The following NRDE2 variants were observed in gnomAD, a reference collection of about 807,000 sequenced individuals.
NRDE2 encodes the protein NRDE-2, necessary for RNA interference, domain containing.
NRDE2 carries 76 observed loss-of-function variants against 124.2 expected under a neutral mutation model. That is an observed-to-expected ratio of 0.61 (90% CI 0.51 to 0.74). The LOEUF (loss-of-function observed/expected upper bound fraction) is 0.74. NRDE2 is among the 30% of genes least tolerant of loss of function. The pLI is 0.00. For missense variants in NRDE2, 1,314 were observed against 1,417.3 expected (o/e 0.93, Z 1.17); for synonymous variants, 489 against 528.1 (o/e 0.93, Z 1.01).
At chr14:90,306,298 G>A (rs955904181) in intron 4 of NRDE2, among the ~76,000 whole-genome samples, 20 of 152,252 alleles carry the variant, frequency 1.3e-4, no homozygotes, top group East Asian at 7.7e-4. Flanking sequence ...GCTTCTCTGC[G>A]GTCAACAGGT....
At chr14:90,278,738 G>A in intron 13 of NRDE2, 1 of 538,684 alleles carries the variant, frequency 1.9e-6, no homozygotes, top group Non-Finnish European at 3.3e-6. Context: ...ACTTCTGAGT[G>A]TCACCTGACC....
chr14:90,290,367 T>C lies in NRDE2; in HGVS notation c.2083A>G (p.Arg695Gly), dbSNP rs894654886. The change falls in exon 10 of 14, where the codon AGG (arginine) becomes GGG (glycine). Residue 695 changes from arginine to glycine, a missense_variant. Physicochemically the swap from Arg to Gly is moderately radical, Grantham distance 125 (BLOSUM62 -2). Coordinates refer to ENST00000354366, the MANE Select transcript of NRDE2 (RefSeq NM_017970.4). The stretch of plus-strand genomic sequence containing the variant: ...CTGGTCCAGCGAGGATAGCCCAACC[T>C]ATCCATGCGGCCAACACAGCTAGCC... Reference protein sequence around the residue: ...SGASCVGRMDRLGYPRWTRGQ... With the variant: ...SGASCVGRMDGLGYPRWTRGQ... 2 of 1,614,126 alleles carry C rather than the reference T, an allele frequency of 1.2e-6. No individual in the cohort carries two copies. Among genetic ancestry groups the C allele is most frequent in the Non-Finnish European group, 1.7e-6 (2 of 1,180,038 alleles).
At chr14:90,321,016 T>C (rs949870525) in intron 1 of NRDE2, among the ~76,000 whole-genome samples, 1 of 152,156 alleles carries the variant, frequency 6.6e-6, no homozygotes. Context: ...TGTTGCTCAC[T>C]GAGATCAAAA....
chr14:90,273,213 T>G lies in NRDE2; in HGVS notation c.*5123A>C, dbSNP rs1158629817. ...TAGGGCCCACACTGAATGAGGAGTG[T>G]GTATTAGTTTTCTGTTAATACTATA... is the stretch of plus-strand genomic sequence containing the variant. On this transcript the variant is annotated 3_prime_UTR_variant, in exon 14 of 14. Transcript: ENST00000354366. 1 of 150,800 alleles carries G rather than the reference T, an allele frequency of 6.6e-6. No individual in the cohort carries two copies. Among genetic ancestry groups the G allele is most frequent in the Non-Finnish European group, 1.5e-5 (1 of 67,296 alleles). 9.3% of individuals were successfully genotyped at this position (150,800 alleles called of 1,614,324 possible).
intron 13 of NRDE2, 47 bp from the exon 14 acceptor site, chr14:90,278,508 TCA>T: frequency 1.2e-6 from 2 of 1,609,178 alleles, no homozygotes; most frequent in Non-Finnish European, 8.5e-7. Context: ...CCACTTCCTG[TCA>T]GCCTGGAGGA....
intron 3 of NRDE2, among the ~76,000 whole-genome samples, chr14:90,312,867 T>C (rs1295563347): frequency 1.3e-5 from 2 of 152,218 alleles, no homozygotes; most frequent in Non-Finnish European, 2.9e-5. Flanking sequence ...TACTGTAACC[T>C]GAATTTCAAA....
At chr14:90,279,362 G>A (rs746066456) in intron 12 of NRDE2, 2 of 524,942 alleles carry the variant, frequency 3.8e-6, no homozygotes, top group Non-Finnish European at 6.8e-6. Context: ...GCCCCAGAGT[G>A]TCAATCCTGA....
At chr14:90,304,405 A>G in intron 4 of NRDE2, 23 bp from the exon 5 acceptor site, 5 of 1,546,580 alleles carry the variant, frequency 3.2e-6, no homozygotes, top group Non-Finnish European at 3.5e-6. Flanking sequence ...AAAGAAAAAA[A>G]GTTACTGAGG....
At position 90,275,449 on chromosome 14, in the gene NRDE2, TC is replaced by T. The variant is rs2139658664; in HGVS notation, c.*2886del. 1 of 152,312 alleles carries T rather than the reference TC, an allele frequency of 6.6e-6. No individual in the cohort carries two copies. Among genetic ancestry groups the T allele is most frequent in the South Asian group, 2.1e-4 (1 of 4,828 alleles). The allele number at this position is 152,312 out of a possible 1,614,324, so 9.4% of individuals were successfully genotyped here. On this transcript the variant is annotated 3_prime_UTR_variant, in exon 14 of 14. Transcript: ENST00000354366. ...ACCCCAGCACATCAGTATTGCCTTTTCCTCATTGGTAATAGCTGAGCGTTTT... is the reference window on the plus strand; with the variant it reads ...ACCCCAGCACATCAGTATTGCCTTTTCTCATTGGTAATAGCTGAGCGTTTT...
intron 9 of NRDE2, 86 bp from the exon 10 acceptor site, chr14:90,290,693 T>A: frequency 7.3e-7 from 1 of 1,362,762 alleles, no homozygotes; most frequent in South Asian, 1.4e-5. Flanking sequence ...CATGTACTAA[T>A]GGTTCAACAT....
At chr14:90,297,721 G>A (rs1884227000) in intron 8 of NRDE2, among the ~76,000 whole-genome samples, 1 of 152,046 alleles carries the variant, frequency 6.6e-6, no homozygotes, top group Non-Finnish European at 1.5e-5. Context: ...ATCGCTGGAG[G>A]TCAGGTGTTT....
At chr14:90,321,659 T>C (rs1294914215) in intron 1 of NRDE2, among the ~76,000 whole-genome samples, 1 of 152,006 alleles carries the variant, frequency 6.6e-6, no homozygotes, top group Non-Finnish European at 1.5e-5. Flanking sequence ...TGACCTCCTG[T>C]GGAGCAAAAG....
In NRDE2 at chr14:90,277,757, A is replaced by T. The variant is rs1442984282; in HGVS notation, c.*579T>A. 2.0e-5 allele frequency: 3 copies of T among 152,442 alleles called. No individual in the cohort carries two copies. Among genetic ancestry groups the T allele is most frequent in the African/African-American group, 7.2e-5 (3 of 41,468 alleles). 9.4% of individuals were successfully genotyped at this position (152,442 alleles called of 1,614,324 possible). ...ACTCCACAGGCCTGAGTTTTTCAGC[A>T]GCCCCAGGGCACGCTGCCCCTCCAG... On this transcript the variant is annotated 3_prime_UTR_variant, in exon 14 of 14. Coordinates refer to ENST00000354366, the MANE Select transcript of NRDE2 (RefSeq NM_017970.4).
At chr14:90,315,858 G>A (rs1885023882) in intron 3 of NRDE2, among the ~76,000 whole-genome samples, 1 of 150,716 alleles carries the variant, frequency 6.6e-6, no homozygotes, top group Non-Finnish European at 1.5e-5. Context: ...TCGGGAGGCT[G>A]AGGCAGGACA....
At position 90,284,310 on chromosome 14, in the gene NRDE2, G is replaced by A. The variant is rs1008136345; in HGVS notation, c.3297+2044C>T. On this transcript the variant is annotated intron_variant, in intron 12 of 13. Transcript: ENST00000354366. ...CCTATGGAAATCTTCAGATATATAC[G>A]TAAGATTTATGAGTAAGGAGGTCAC... Among the ~76,000 whole-genome samples, 4 of 151,262 alleles carry A rather than the reference G, an allele frequency of 2.6e-5. No individual in the cohort carries two copies. In the South Asian group the frequency reaches 6.3e-4, roughly 24 times the overall value.
In NRDE2 at chr14:90,300,619, G is replaced by C. The variant is rs554752134; in HGVS notation, c.1545+620C>G. Reference sequence around the variant, plus strand: ...TCTCAAACATTGGCAATGCTCGCTTGTCATCTAAAGGATTAACCCTTCCCC... The same window carrying C: ...TCTCAAACATTGGCAATGCTCGCTTCTCATCTAAAGGATTAACCCTTCCCC... On this transcript the variant is annotated intron_variant, in intron 7 of 13. Transcript: ENST00000354366. Among the ~76,000 whole-genome samples the C allele has an allele frequency of 3.0e-3, 453 of 150,902 alleles. 3 individuals are homozygous for C. The highest frequency in any genetic ancestry group is 5.7e-3 in the Non-Finnish European group (386 of 67,828).
At chr14:90,316,414 G>A (rs1005937212) in intron 3 of NRDE2, among the ~76,000 whole-genome samples, 164 bp downstream of exon 3, 5 of 152,110 alleles carry the variant, frequency 3.3e-5, no homozygotes, top group African/African-American at 4.8e-5. Context: ...AAATAAAATC[G>A]TGTCCCTAAT....
rs144205196 is a variant in NRDE2 at position 90,304,253 on chromosome 14, C to T, written c.687G>A (p.Val229=). Residue 229 remains valine, a synonymous_variant, in exon 5 of 14, where the codon GTG becomes GTA. Coordinates refer to ENST00000354366, the MANE Select transcript of NRDE2 (RefSeq NM_017970.4). Reference sequence around the variant, plus strand: ...CAACTCCATCGATGTTCATTAATCCCACACTCTTCTTAGTAAAATAGCGTT... The same window carrying T: ...CAACTCCATCGATGTTCATTAATCCTACACTCTTCTTAGTAAAATAGCGTT... ...QVERYFTKKS[V]GLMNIDGVAI... The T allele has an allele frequency of 7.4e-6, 12 of 1,614,040 alleles. No homozygotes were observed. The African/African-American group carries it at 1.6e-4, about 22-fold the overall frequency.
intron 10 of NRDE2, among the ~76,000 whole-genome samples, chr14:90,289,582 G>A (rs1339973343): frequency 1.3e-5 from 2 of 152,126 alleles, no homozygotes; most frequent in Admixed American, 6.6e-5. Flanking sequence ...AGTATTATCA[G>A]TAGCTTATCT....
Sources: allele counts gnomAD v4.1 joint callset (sites outside exome capture counted in the v4.1 genomes callset), GRCh38; gene constraint gnomAD v4.1.1; transcripts MANE v1.5; gene names NCBI Gene and HGNC (gene_info 2026-07-23, HGNC 2026-07-21).